ATP6V1A: variants seen among roughly 807,000 people sequenced by gnomAD.
The protein encoded by ATP6V1A is ATPase H+ transporting V1 subunit A, also known as V-type proton ATPase catalytic subunit A.
ATP6V1A carries 18 observed loss-of-function variants against 70.1 expected under a neutral mutation model. The ratio of observed to expected loss-of-function variants is 0.26; its 90% CI spans 0.18 to 0.38. ATP6V1A has a LOEUF of 0.38. ATP6V1A is among the 10% of genes least tolerant of loss of function. The pLI, the probability that ATP6V1A is intolerant of heterozygous loss-of-function variation, is 1.00. For synonymous variants in ATP6V1A, 232 were observed against 253.8 expected (o/e 0.91, Z 0.82); for missense variants, 424 against 772.4 (o/e 0.55, Z 5.35).
chr3:113,784,353 A>G lies in ATP6V1A; in HGVS notation c.341A>G (p.Gln114Arg), dbSNP rs755979343. The stretch of plus-strand genomic sequence containing the variant: ...TTGTCGGATATCAGCAGTCAGACCC[A>G]AAGCATCTACATCCCCAGAGGAGTA... ...RPLSDISSQT[Q>R]SIYIPRGVNV... The change falls in exon 4 of 15, where the codon CAA (glutamine) becomes CGA (arginine). Residue 114 changes from glutamine (Q) to arginine (R), a missense_variant. Around this residue, in one of 9 missense-constraint regions of ATP6V1A, gnomAD observed 139 missense variants for 163.5 expected, o/e 0.85. Transcript: ENST00000273398. 1.1e-5 allele frequency: 17 copies of G among 1,614,078 alleles called. 1 individual carries two copies. The South Asian group carries it at 1.6e-4, about 16-fold the overall frequency.
intron 12 of ATP6V1A, among the ~76,000 whole-genome samples, chr3:113,802,107 G>A (rs1374210113): frequency 1.3e-5 from 2 of 152,074 alleles, no homozygotes; most frequent in Non-Finnish European, 2.9e-5. Context: ...ATATTTAAAG[G>A]GTGAAGCTCT....
intron 11 of ATP6V1A, among the ~76,000 whole-genome samples, chr3:113,797,200 G>A (rs1198878536): frequency 1.3e-5 from 2 of 151,528 alleles, no homozygotes; most frequent in Non-Finnish European, 2.9e-5. Context: ...GCCTCCCAAA[G>A]TGCAGGGATT....
At chr3:113,752,478 T>G (rs990099486) in intron 1 of ATP6V1A, among the ~76,000 whole-genome samples, 2 of 151,986 alleles carry the variant, frequency 1.3e-5, no homozygotes, top group Non-Finnish European at 2.9e-5. Context: ...ATATTTGAAT[T>G]CATAATGTCA....
At chr3:113,767,086 C>CTTTTTT (rs369126041) in intron 1 of ATP6V1A, among the ~76,000 whole-genome samples, 7 of 107,856 alleles carry the variant, frequency 6.5e-5, no homozygotes, top group Admixed American at 1.0e-4. Context: ...GATGTTATGT[C>CTTTTTT]TTTTTTTTTT....
chr3:113,795,256 T>A, intron 10 of ATP6V1A, 52 bp downstream of exon 10: 1 of 1,552,576 alleles, frequency 6.4e-7, no homozygotes. Context: ...ACAGATGTAT[T>A]AAAGAGAGAA....
Position 113,750,766 on chromosome 3 carries a change from G to A in ATP6V1A, c.-14+3653G>A, listed in dbSNP as rs1559746569. 5.3e-5 allele frequency among the ~76,000 whole-genome samples: 8 copies of A among 152,082 alleles called. No individual in the cohort carries two copies. In the South Asian group the frequency reaches 1.7e-3, roughly 32 times the overall value. Reference sequence around the variant, plus strand: ...AATTAATTTTACTGATAACTACTTTGATTTTATATACTGAATTTCTAAAGA... The same window carrying A: ...AATTAATTTTACTGATAACTACTTTAATTTTATATACTGAATTTCTAAAGA... On this transcript the variant is annotated intron_variant, in intron 1 of 14. Coordinates refer to ENST00000273398, the MANE Select transcript of ATP6V1A (RefSeq NM_001690.4).
At chr3:113,796,757 C>G (rs573637917) in intron 11 of ATP6V1A, among the ~76,000 whole-genome samples, 3 of 152,282 alleles carry the variant, frequency 2.0e-5, no homozygotes, top group African/African-American at 7.2e-5. Flanking sequence ...ATGTACAACT[C>G]TCAAGCTTTT....
At chr3:113,792,227 T>C (rs922091279) in intron 8 of ATP6V1A, among the ~76,000 whole-genome samples, 1 of 152,228 alleles carries the variant, frequency 6.6e-6, no homozygotes, top group South Asian at 2.1e-4. Context: ...TGGCATCTTT[T>C]TGGTGGACTA....
intron 1 of ATP6V1A, among the ~76,000 whole-genome samples, chr3:113,763,894 T>C (rs1708736426): frequency 1.3e-5 from 2 of 152,192 alleles, no homozygotes; most frequent in Non-Finnish European, 2.9e-5. Context: ...GACATCAGCA[T>C]GAATTCTTAG....
chr3:113,797,916 T>G lies in ATP6V1A; in HGVS notation c.1291-327T>G, dbSNP rs1709170725. Among the ~76,000 whole-genome samples the G allele has an allele frequency of 2.0e-5, 3 of 152,176 alleles. No homozygotes were observed. The South Asian group carries it at 6.2e-4, about 32-fold the overall frequency. ...GCACTTTGGGAGGCCAGGGATCACA[T>G]GAGGTCAGGAGTTCGAGACAAGCCT... On this transcript the variant is annotated intron_variant, in intron 11 of 14. Coordinates refer to ENST00000273398, the MANE Select transcript of ATP6V1A (RefSeq NM_001690.4).
chr3:113,769,644 C>G (rs1057192737), intron 1 of ATP6V1A, among the ~76,000 whole-genome samples: 2 of 152,052 alleles, frequency 1.3e-5, no homozygotes, highest in African/African-American at 4.8e-5. Context: ...TAACCAGCAG[C>G]AATTTGGAGT....
chr3:113,779,274 C>T (rs1708953392), intron 2 of ATP6V1A: 1 of 152,268 alleles, frequency 6.6e-6, no homozygotes, highest in Admixed American at 6.5e-5. Flanking sequence ...TTGCCCTTTG[C>T]ATTTATGAAA....
chr3:113,760,956 A>G (rs890527850), intron 1 of ATP6V1A, among the ~76,000 whole-genome samples: 3 of 151,942 alleles, frequency 2.0e-5, no homozygotes, highest in African/African-American at 7.3e-5. Context: ...GGTCTCAGCT[A>G]TTCGGGAGGC....
At chr3:113,795,635 G>A (rs1012135857) in intron 10 of ATP6V1A, among the ~76,000 whole-genome samples, 1 of 151,816 alleles carries the variant, frequency 6.6e-6, no homozygotes, top group African/African-American at 2.4e-5. Context: ...TCTATCTCAT[G>A]TCTCATAATA....
intron 1 of ATP6V1A, among the ~76,000 whole-genome samples, chr3:113,768,043 C>T (rs549368679): frequency 8.5e-5 from 13 of 152,320 alleles, no homozygotes; most frequent in Non-Finnish European, 1.6e-4. Flanking sequence ...AAATTCCATT[C>T]CCAGTTTAAG....
chr3:113,789,422 A>C lies in ATP6V1A; in HGVS notation c.880-310A>C, dbSNP rs148534274. Among the ~76,000 whole-genome samples the C allele has an allele frequency of 2.6e-3, 401 of 152,324 alleles. 3 individuals carry two copies. The highest frequency in any genetic ancestry group is 9.1e-3 in the African/African-American group (377 of 41,588). On this transcript the variant is annotated intron_variant, in intron 7 of 14. Coordinates refer to ENST00000273398, the MANE Select transcript of ATP6V1A (RefSeq NM_001690.4). ...TGGTGGTTTTTACTTATTGAGAGAA[A>C]GATGAAATAAAGAAATAAAACATTT...
chr3:113,804,862 C>T (rs139945775), intron 13 of ATP6V1A, among the ~76,000 whole-genome samples: 84 of 152,252 alleles, frequency 5.5e-4, no homozygotes, highest in African/African-American at 1.9e-3. Context: ...CAAATGAAAA[C>T]AAACACATTA....
In ATP6V1A at chr3:113,809,411, G is replaced by A. The variant is rs140346248; in HGVS notation, c.1838G>A (p.Arg613His). The A allele has an allele frequency of 2.5e-6, 4 of 1,613,262 alleles. No homozygotes were observed. The highest frequency in any genetic ancestry group is 2.2e-5 in the East Asian group (1 of 44,832). The part of the protein sequence containing the change: ...QLLEDMQNAF[R>H]SLED Reference sequence around the variant, plus strand: ...CTTGAAGACATGCAGAATGCATTCCGTAGCCTTGAAGATTAGAAGCCTTGA... The same window carrying A: ...CTTGAAGACATGCAGAATGCATTCCATAGCCTTGAAGATTAGAAGCCTTGA... Residue 613 changes from arginine to histidine, a missense_variant, in exon 15 of 15, where the codon CGT becomes CAT. Physicochemically the swap from Arg to His is conservative, Grantham distance 29. Coordinates refer to ENST00000273398, the MANE Select transcript of ATP6V1A (RefSeq NM_001690.4).
Position 113,767,086 on chromosome 3 carries a change from C to CTTT in ATP6V1A, c.-13-11634_-13-11632dup, listed in dbSNP as rs369126041. 8.4e-4 allele frequency among the ~76,000 whole-genome samples: 91 copies of CTTT among 107,812 alleles called. 1 individual carries two copies. The highest frequency in any genetic ancestry group is 1.3e-3 in the South Asian group (4 of 3,068). The allele number at this position is 107,812 out of a possible 152,430, so 70.7% of individuals were successfully genotyped here. On this transcript the variant is annotated intron_variant, in intron 1 of 14. Coordinates refer to ENST00000273398, the MANE Select transcript of ATP6V1A (RefSeq NM_001690.4). ...TAACAAATAGTAGTTGATGTTATGTCTTTTTTTTTTTTTTTTTTTTTTTGA... is the reference window on the plus strand; with the variant it reads ...TAACAAATAGTAGTTGATGTTATGTCTTTTTTTTTTTTTTTTTTTTTTTTTTGA...
Sources: allele counts gnomAD v4.1 joint callset (sites outside exome capture counted in the v4.1 genomes callset), GRCh38; gene constraint gnomAD v4.1.1; regional missense constraint gnomAD v4.1.1; transcripts MANE v1.5; gene names NCBI Gene and HGNC (gene_info 2026-07-23, HGNC 2026-07-21).